Variants in HEXB observed in about 807,000 individuals in gnomAD.
The protein encoded by HEXB is hexosaminidase subunit beta, also known as beta-hexosaminidase subunit beta.
A neutral mutation model predicts 71.2 loss-of-function variants in HEXB; 51 were observed. That is an observed-to-expected ratio of 0.72 (90% CI 0.57 to 0.90). The LOEUF (loss-of-function observed/expected upper bound fraction) is 0.90. Among genes scored for constraint, HEXB ranks in the 40% least tolerant of loss-of-function variants. HEXB has a pLI of 0.00. For synonymous variants in HEXB, 266 were observed against 249.3 expected (o/e 1.07, Z -0.63); for missense variants, 617 against 677.0 (o/e 0.91, Z 0.98).
chr5:74,672,922 A>G (rs185551836), intron 1 of HEXB, among the ~76,000 whole-genome samples: 39 of 152,294 alleles, frequency 2.6e-4, no homozygotes, highest in Non-Finnish European at 1.5e-5. Flanking sequence ...GAGACTTTGG[A>G]TTTAGAAACC....
chr5:74,698,078 AT>A (rs1399492489), intron 5 of HEXB, among the ~76,000 whole-genome samples: 1 of 150,764 alleles, frequency 6.6e-6, no homozygotes, highest in Non-Finnish European at 1.5e-5. Flanking sequence ...TATTATTATT[AT>A]TTATTTATTT....
chr5:74,699,344 G>A lies in HEXB; in HGVS notation c.669+2238G>A, dbSNP rs573983128. On this transcript the variant is annotated intron_variant, in intron 5 of 13. Coordinates refer to ENST00000261416, the MANE Select transcript of HEXB (RefSeq NM_000521.4). ...GCTGGAGTGCAGTTGGCACAATCTC[G>A]GCTCACTGCTACCTCCGCCTCCTGA... 4.2e-4 allele frequency among the ~76,000 whole-genome samples: 64 copies of A among 150,602 alleles called. 1 individual carries two copies. In the South Asian group the frequency reaches 0.012, roughly 29 times the overall value.
At chr5:74,671,524 G>T (rs1363394110) in intron 1 of HEXB, among the ~76,000 whole-genome samples, 1 of 152,136 alleles carries the variant, frequency 6.6e-6, no homozygotes, top group Non-Finnish European at 1.5e-5. Flanking sequence ...GTAGGGCCAG[G>T]GGCAGGGAGG....
chr5:74,720,995 A>AATGCTGTGATTT, intron 13 of HEXB, 123 bp from the exon 14 acceptor site: 1 of 910,296 alleles, frequency 1.1e-6, no homozygotes, highest in South Asian at 1.5e-5. Context: ...TATTTTCAGT[A>AATGCTGTGATTT]ATGCTGTGAT....
intron 11 of HEXB, among the ~76,000 whole-genome samples, chr5:74,719,681 C>T (rs775454313): frequency 3.9e-5 from 6 of 152,234 alleles, no homozygotes; most frequent in Admixed American, 6.5e-5. Flanking sequence ...CGGTGGCTGA[C>T]GCCTGTAATC....
At chr5:74,683,924 G>A (rs1438667773), upstream of HEXB, among the ~76,000 whole-genome samples, 1 of 151,050 alleles carries the variant, frequency 6.6e-6, no homozygotes, top group Non-Finnish European at 1.5e-5. Context: ...GGTTTCAAGC[G>A]ATTCTCCTGC....
exon 1 of HEXB, chr5:74,640,142 G>C (rs1241785973): frequency 6.6e-6 from 1 of 152,244 alleles, no homozygotes; most frequent in East Asian, 1.9e-4. Context: ...GAGGGCAGCG[G>C]CGGGCACCGT....
In HEXB at chr5:74,710,794, C is replaced by G. The variant is rs1258299784; in HGVS notation, c.772-2712C>G. On this transcript the variant is annotated intron_variant, in intron 6 of 13. Transcript: ENST00000261416. ...TCAATGAAATAAAAGAGGATACAAA[C>G]AAATGGAAGAAAATTCCATGCTCAT... Among the ~76,000 whole-genome samples the G allele has an allele frequency of 1.9e-4, 29 of 152,038 alleles. No homozygotes were observed. In the East Asian group the frequency reaches 1.9e-3, roughly 10 times the overall value.
At chr5:74,678,532 A>T (rs1294980704) in intron 1 of HEXB, among the ~76,000 whole-genome samples, 3 of 151,966 alleles carry the variant, frequency 2.0e-5, no homozygotes, top group Non-Finnish European at 4.4e-5. Context: ...CATTTGGGAA[A>T]AAAAAAGCCT....
At chr5:74,700,658 ATTTGT>A (rs1226506719) in intron 5 of HEXB, among the ~76,000 whole-genome samples, 2 of 152,030 alleles carry the variant, frequency 1.3e-5, no homozygotes, top group Non-Finnish European at 2.9e-5. Flanking sequence ...AAATTTCTAA[ATTTGT>A]TTTAATAACT....
intron 1 of HEXB, among the ~76,000 whole-genome samples, chr5:74,670,002 CA>C (rs997403232): frequency 6.6e-6 from 1 of 152,134 alleles, no homozygotes; most frequent in African/African-American, 2.4e-5. Context: ...CCTAGGCAGA[CA>C]GGGGTGGGTC....
chr5:74,656,690 C>T (rs1401777492), intron 1 of HEXB, among the ~76,000 whole-genome samples: 1 of 152,094 alleles, frequency 6.6e-6, no homozygotes, highest in South Asian at 2.1e-4. Flanking sequence ...CTGCAACTTC[C>T]ACCTCCTGGG....
intron 5 of HEXB, among the ~76,000 whole-genome samples, chr5:74,704,723 T>G (rs1478492695): frequency 6.6e-6 from 1 of 152,210 alleles, no homozygotes; most frequent in Non-Finnish European, 1.5e-5. Context: ...CTCCAGAGGC[T>G]TTTTGTATAC....
chr5:74,680,033 A>T (rs1748710564), intron 1 of HEXB, among the ~76,000 whole-genome samples: 1 of 152,188 alleles, frequency 6.6e-6, no homozygotes, highest in South Asian at 2.1e-4. Flanking sequence ...CGTATCTTGA[A>T]GAGATGTGTG....
intron 1 of HEXB, among the ~76,000 whole-genome samples, chr5:74,643,277 A>T (rs1010094526): frequency 6.6e-6 from 1 of 152,230 alleles, no homozygotes; most frequent in Non-Finnish European, 1.5e-5. Flanking sequence ...ATCCCACAGC[A>T]TCTCTCAGCC....
intron 6 of HEXB, among the ~76,000 whole-genome samples, chr5:74,712,898 C>A (rs114765880): frequency 9.2e-4 from 140 of 151,946 alleles, no homozygotes; most frequent in African/African-American, 3.2e-3. Context: ...TTCAAGTGAC[C>A]TATAAAGGGA....
chr5:74,721,200 G>A lies in HEXB; in HGVS notation c.*25G>A. The stretch of plus-strand genomic sequence containing the variant: ...AAAAATGGAGGGGAAAAAGGCCACA[G>A]CAATCTGTACTACAATCAACTTTAT... On this transcript the variant is annotated 3_prime_UTR_variant, in exon 14 of 14. Transcript: ENST00000261416. The A allele has an allele frequency of 6.4e-7, 1 of 1,555,118 alleles. No individual in the cohort carries two copies. Among genetic ancestry groups the A allele is most frequent in the Non-Finnish European group, 8.9e-7 (1 of 1,126,296 alleles).
At chr5:74,668,352 G>A (rs1748474514) in intron 1 of HEXB, among the ~76,000 whole-genome samples, 2 of 151,520 alleles carry the variant, frequency 1.3e-5, no homozygotes, top group African/African-American at 4.9e-5. Context: ...CAGGACTGAC[G>A]GTGGAGGAGG....
intron 1 of HEXB, among the ~76,000 whole-genome samples, chr5:74,674,605 G>GAAAAA (rs1199567534): frequency 2.8e-4 from 27 of 94,876 alleles, no homozygotes; most frequent in Middle Eastern, 0.014. Flanking sequence ...CTCTGTCTCA[G>GAAAAA]AAAAAAAAAA....
Sources: gnomAD v4.1 joint callset for allele counts (sites outside exome capture counted in the v4.1 genomes callset) on GRCh38, gnomAD v4.1.1 for gene constraint, MANE v1.5 for transcripts, NCBI Gene and HGNC (gene_info 2026-07-23, HGNC 2026-07-21) for gene names.